Variants in SLIT3 observed in about 807,000 individuals in gnomAD.
SLIT3 encodes slit guidance ligand 3, also known as slit homolog 3 protein.
A neutral mutation model predicts 184.0 loss-of-function variants in SLIT3; 68 were observed. The observed-to-expected ratio is 0.37, with a 90% CI of 0.30 to 0.45. The LOEUF (loss-of-function observed/expected upper bound fraction) is 0.45, where lower values mean the gene tolerates loss of function less well. Among genes scored for constraint, SLIT3 ranks in the 20% least tolerant of loss-of-function variants. The pLI is 1.00. For synonymous variants in SLIT3, 831 were observed against 828.6 expected (o/e 1.00, Z -0.05); for missense variants, 1,707 against 2,026.0 (o/e 0.84, Z 3.02).
intron 4 of SLIT3, among the ~76,000 whole-genome samples, chr5:169,032,509 A>ATTTTTT (rs3072089): frequency 0.037 from 5,437 of 145,218 alleles, 350 homozygotes; most frequent in African/African-American, 0.13. Context: ...TGTGCCAGTC[A>ATTTTTT]TTTTTTTTTT....
intron 8 of SLIT3, 31 bp from the exon 9 acceptor site, chr5:168,806,618 T>C (rs1180112856): frequency 1.2e-6 from 2 of 1,612,818 alleles, no homozygotes; most frequent in Non-Finnish European, 1.7e-6. Context: ...GGTCAACTTA[T>C]GTCAGTGTCA....
At chr5:168,688,454 A>C (rs1295553213) in intron 29 of SLIT3, among the ~76,000 whole-genome samples, 1 of 152,128 alleles carries the variant, frequency 6.6e-6, no homozygotes, top group Non-Finnish European at 1.5e-5. Flanking sequence ...GAATGGATAG[A>C]AGTGGGGTGG....
rs577386603 is a variant in SLIT3 at position 168,664,779 on chromosome 5, C to G, written c.*1675G>C. On this transcript the variant is annotated 3_prime_UTR_variant, in exon 36 of 36. Coordinates refer to ENST00000519560, the MANE Select transcript of SLIT3 (RefSeq NM_003062.4). ...CAGCTGAGCCCTGGAAGATATGTGG[C>G]TAACCTGATGGGGTGGAAGGGGGCA... 3.9e-5 allele frequency: 6 copies of G among 152,348 alleles called. No individual in the cohort carries two copies. The South Asian group carries it at 6.2e-4, about 16-fold the overall frequency. The allele number at this position is 152,348 out of a possible 1,614,324, so 9.4% of individuals were successfully genotyped here.
chr5:168,912,156 T>G (rs971546365), intron 4 of SLIT3, among the ~76,000 whole-genome samples: 2 of 152,346 alleles, frequency 1.3e-5, no homozygotes, highest in Non-Finnish European at 2.9e-5. Flanking sequence ...TAAATTTATT[T>G]TTTCTTATGA....
intron 1 of SLIT3, among the ~76,000 whole-genome samples, chr5:169,274,424 C>T (rs1042371254): frequency 7.2e-5 from 11 of 152,184 alleles, no homozygotes; most frequent in South Asian, 2.1e-4. Flanking sequence ...AGGCCAACCA[C>T]GCAGAGTTGT....
At chr5:168,808,349 T>C (rs913896530) in intron 8 of SLIT3, among the ~76,000 whole-genome samples, 9 of 152,006 alleles carry the variant, frequency 5.9e-5, no homozygotes, top group Non-Finnish European at 1.0e-4. Context: ...GGGCTGAGAA[T>C]GTGGGCTCTG....
chr5:168,807,663 C>T (rs886589174), intron 8 of SLIT3, among the ~76,000 whole-genome samples: 5 of 152,118 alleles, frequency 3.3e-5, no homozygotes, highest in Non-Finnish European at 5.9e-5. Flanking sequence ...CTGCAGATTG[C>T]CTCACTGCTT....
chr5:169,114,214 C>T (rs1381868202), intron 4 of SLIT3, among the ~76,000 whole-genome samples: 1 of 152,182 alleles, frequency 6.6e-6, no homozygotes, highest in East Asian at 1.9e-4. Context: ...TTCTCTTTTT[C>T]TGTGGGCTAG....
intron 4 of SLIT3, among the ~76,000 whole-genome samples, chr5:168,975,260 G>C (rs1289239242): frequency 1.3e-5 from 2 of 152,106 alleles, no homozygotes; most frequent in African/African-American, 2.4e-5. Context: ...TGCAGCCACC[G>C]GGCTCTCCAG....
At chr5:168,773,977 G>A (rs1175031965) in intron 13 of SLIT3, among the ~76,000 whole-genome samples, 1 of 152,232 alleles carries the variant, frequency 6.6e-6, no homozygotes, top group Non-Finnish European at 1.5e-5. Context: ...AGAAAGAAGA[G>A]ATAGTAACAG....
intron 14 of SLIT3, among the ~76,000 whole-genome samples, chr5:168,765,341 C>T (rs981147391): frequency 7.2e-5 from 11 of 152,168 alleles, no homozygotes; most frequent in African/African-American, 2.2e-4. Flanking sequence ...CAATTAGATT[C>T]GATGGACTAA....
intron 9 of SLIT3, among the ~76,000 whole-genome samples, chr5:168,805,112 C>A (rs916365806): frequency 1.3e-5 from 2 of 152,162 alleles, no homozygotes; most frequent in African/African-American, 4.8e-5. Context: ...GCTTGTTTAT[C>A]CCCTCCATCA....
chr5:168,793,215 G>C (rs1756444389), intron 10 of SLIT3, among the ~76,000 whole-genome samples: 1 of 151,558 alleles, frequency 6.6e-6, no homozygotes, highest in South Asian at 2.1e-4. Flanking sequence ...CATTCAGAGA[G>C]AATTCTTTTT....
At chr5:168,868,761 A>AAAAAAAG (rs1554150965) in intron 5 of SLIT3, among the ~76,000 whole-genome samples, 79 of 141,120 alleles carry the variant, frequency 5.6e-4, no homozygotes, top group African/African-American at 2.2e-3. Context: ...AAAAAAAAAA[A>AAAAAAAG]AAAAAGAAAA....
intron 4 of SLIT3, among the ~76,000 whole-genome samples, chr5:169,123,126 T>C (rs1156733789): frequency 6.6e-6 from 1 of 152,104 alleles, no homozygotes; most frequent in Non-Finnish European, 1.5e-5. Flanking sequence ...AAAATCAACT[T>C]ATACTAGCTT....
intron 11 of SLIT3, among the ~76,000 whole-genome samples, chr5:168,787,652 C>T (rs551855316): frequency 6.6e-6 from 1 of 152,174 alleles, no homozygotes; most frequent in East Asian, 1.9e-4. Context: ...CTGCCTCCCT[C>T]CCCCGCACCT....
At chr5:168,807,751 G>T (rs993304228) in intron 8 of SLIT3, among the ~76,000 whole-genome samples, 1 of 152,160 alleles carries the variant, frequency 6.6e-6, no homozygotes, top group Non-Finnish European at 1.5e-5. Flanking sequence ...GGGAAAAAGT[G>T]ATTTTTGGTT....
chr5:168,872,801 C>T (rs368306007), intron 5 of SLIT3, among the ~76,000 whole-genome samples: 30 of 151,992 alleles, frequency 2.0e-4, no homozygotes, highest in South Asian at 4.2e-4. Context: ...CCACCACACC[C>T]GGCTAATTTT....
chr5:168,812,537 CA>C (rs1757194514), intron 8 of SLIT3, among the ~76,000 whole-genome samples: 1 of 151,944 alleles, frequency 6.6e-6, no homozygotes, highest in South Asian at 2.1e-4. Flanking sequence ...TGAACAACAA[CA>C]AAAAAACCTC....
Sources: gnomAD v4.1 joint callset for allele counts (sites outside exome capture counted in the v4.1 genomes callset) on GRCh38, gnomAD v4.1.1 for gene constraint, MANE v1.5 for transcripts, NCBI Gene and HGNC (gene_info 2026-07-23, HGNC 2026-07-21) for gene names.